OPA1: variants seen among roughly 807,000 people sequenced by gnomAD.
OPA1 encodes dynamin-like GTPase OPA1, mitochondrial.
A neutral mutation model predicts 152.9 loss-of-function variants in OPA1; 59 were observed. That is an observed-to-expected ratio of 0.39 (90% CI 0.31 to 0.48). OPA1 has a LOEUF of 0.48. OPA1 is among the 20% of genes least tolerant of loss of function. The probability of loss-of-function intolerance (pLI) is 0.96; values close to 1 mark genes in which losing one functional copy is unlikely to be tolerated. For synonymous variants in OPA1, 400 were observed against 389.9 expected (o/e 1.03, Z -0.31); for missense variants, 1,008 against 1,216.8 (o/e 0.83, Z 2.55).
In OPA1 at chr3:193,687,909, G is replaced by C. The variant is rs1346047948; in HGVS notation, c.2984-4154G>C. Among the ~76,000 whole-genome samples the C allele has an allele frequency of 2.6e-5, 4 of 152,158 alleles. No homozygotes were observed. In the East Asian group the frequency reaches 5.8e-4, roughly 22 times the overall value. The stretch of plus-strand genomic sequence containing the variant: ...GCTCTTTCAGCCTTGATAATAAGGT[G>C]CAACCATTAAGATGAAGGGATTTTT... On this transcript the variant is annotated intron_variant, in intron 29 of 30. Transcript: ENST00000361510.
intron 21 of OPA1, among the ~76,000 whole-genome samples, chr3:193,653,392 G>C (rs1441053317): frequency 1.3e-5 from 2 of 152,252 alleles, no homozygotes; most frequent in East Asian, 1.9e-4. Flanking sequence ...CTTTTGGACA[G>C]CAGGATATTT....
intron 29 of OPA1, among the ~76,000 whole-genome samples, chr3:193,684,477 G>A (rs543381140): frequency 2.3e-5 from 3 of 128,154 alleles, no homozygotes; most frequent in African/African-American, 9.1e-5. Context: ...TTGAGACAGA[G>A]TCTTGCTCTG....
intron 22 of OPA1, among the ~76,000 whole-genome samples, chr3:193,656,207 A>C (rs933456240): frequency 1.3e-5 from 2 of 152,150 alleles, no homozygotes; most frequent in African/African-American, 4.8e-5. Flanking sequence ...AGTGGTTATG[A>C]AAGCATCAAT....
intron 6 of OPA1, among the ~76,000 whole-genome samples, chr3:193,625,243 A>G (rs1041729218): frequency 6.6e-6 from 1 of 152,172 alleles, no homozygotes; most frequent in Non-Finnish European, 1.5e-5. Context: ...ATGAAGTGGA[A>G]TGAATTTTAG....
At chr3:193,602,973 AC>A (rs1560310260) in intron 1 of OPA1, among the ~76,000 whole-genome samples, 3 of 152,254 alleles carry the variant, frequency 2.0e-5, no homozygotes, top group Non-Finnish European at 4.4e-5. Context: ...GAGGGTGGTA[AC>A]TGAATGAAGT....
intron 1 of OPA1, among the ~76,000 whole-genome samples, chr3:193,605,623 T>A (rs1727137797): frequency 6.6e-6 from 1 of 152,234 alleles, no homozygotes; most frequent in African/African-American, 2.4e-5. Flanking sequence ...AATTTCTGCC[T>A]GTAGACAGCA....
At chr3:193,690,752 AT>A (rs1436769660) in intron 29 of OPA1, among the ~76,000 whole-genome samples, 1 of 152,214 alleles carries the variant, frequency 6.6e-6, no homozygotes. Flanking sequence ...CAAATATTAA[AT>A]GCATCTTACA....
At chr3:193,615,132 G>A in intron 2 of OPA1, 91 bp downstream of exon 2, 2 of 1,010,006 alleles carry the variant, frequency 2.0e-6, no homozygotes, top group Non-Finnish European at 3.1e-6. Flanking sequence ...GAATACAATT[G>A]GATGTTTAAA....
chr3:193,605,559 A>G (rs576147492), intron 1 of OPA1, among the ~76,000 whole-genome samples: 3 of 152,314 alleles, frequency 2.0e-5, no homozygotes, highest in Admixed American at 6.5e-5. Flanking sequence ...GCCCATAAAC[A>G]TTAGGTGTTT....
chr3:193,603,964 A>G (rs1007874525), intron 1 of OPA1, among the ~76,000 whole-genome samples: 1 of 152,194 alleles, frequency 6.6e-6, no homozygotes, highest in Non-Finnish European at 1.5e-5. Flanking sequence ...TTAGATGAAG[A>G]TAAGAAGGAG....
Position 193,666,363 on chromosome 3 carries a change from T to C in OPA1, c.2846T>C (p.Leu949Ser). The C allele has an allele frequency of 1.9e-6, 3 of 1,614,132 alleles. No individual in the cohort carries two copies. The highest frequency in any genetic ancestry group is 2.5e-6 in the Non-Finnish European group (3 of 1,179,954). The change falls in exon 28 of 31, where the codon TTA becomes TCA. Residue 949 changes from leucine (L) to serine (S), a missense_variant. By Grantham distance (145) the Leu-to-Ser change is moderately radical. Coordinates refer to ENST00000361510, the MANE Select transcript of OPA1 (RefSeq NM_130837.3). ...ATGCTTGCTATCACCGCAAATACTT[T>C]AAGGCAACAACTTACAAATACTGAA... ...QRMLAITANT[L>S]RQQLTNTEVR...
intron 29 of OPA1, among the ~76,000 whole-genome samples, chr3:193,685,770 A>G (rs1023502079): frequency 6.6e-6 from 1 of 151,308 alleles, no homozygotes; most frequent in African/African-American, 2.4e-5. Context: ...TAAGGAATAA[A>G]CAAAAAAAAT....
chr3:193,637,072 G>A, intron 9 of OPA1, 123 bp from the exon 10 acceptor site: 1 of 543,998 alleles, frequency 1.8e-6, no homozygotes, highest in Non-Finnish European at 3.2e-6. Flanking sequence ...TGTAATTTGA[G>A]AAAACAGTAC....
chr3:193,633,110 A>G (rs1036825669), intron 8 of OPA1, among the ~76,000 whole-genome samples: 19 of 147,932 alleles, frequency 1.3e-4, no homozygotes, highest in Non-Finnish European at 2.6e-4. Flanking sequence ...CACTATATCT[A>G]TGTTTTTAAG....
At chr3:193,684,936 C>T (rs990403869) in intron 29 of OPA1, among the ~76,000 whole-genome samples, 4 of 152,034 alleles carry the variant, frequency 2.6e-5, no homozygotes, top group African/African-American at 7.2e-5. Flanking sequence ...GTATTTGAAG[C>T]GGTTTTAATT....
chr3:193,626,358 T>C (rs1421945283), intron 7 of OPA1, among the ~76,000 whole-genome samples, 156 bp downstream of exon 7: 1 of 152,196 alleles, frequency 6.6e-6, no homozygotes, highest in Non-Finnish European at 1.5e-5. Context: ...TATGTAACTT[T>C]TCTGGAGTGG....
At chr3:193,661,556 G>C (rs1354302417) in intron 25 of OPA1, among the ~76,000 whole-genome samples, 2 of 152,168 alleles carry the variant, frequency 1.3e-5, no homozygotes, top group African/African-American at 2.4e-5. Context: ...TGAATGACAG[G>C]ATTTGGCAGG....
chr3:193,622,490 G>A (rs904807008), intron 6 of OPA1, among the ~76,000 whole-genome samples: 3 of 152,064 alleles, frequency 2.0e-5, no homozygotes, highest in Non-Finnish European at 2.9e-5. Flanking sequence ...GCCTCCCAAA[G>A]TGTTGGGATT....
At chr3:193,651,908 T>TA (rs35437625) in intron 21 of OPA1, among the ~76,000 whole-genome samples, 52 of 151,688 alleles carry the variant, frequency 3.4e-4, no homozygotes, top group South Asian at 8.3e-4. Flanking sequence ...TACTTTAAAA[T>TA]AAAAAAAAAT....
Sources: gnomAD v4.1 joint callset for allele counts (sites outside exome capture counted in the v4.1 genomes callset) on GRCh38, gnomAD v4.1.1 for gene constraint, MANE v1.5 for transcripts, NCBI Gene and HGNC (gene_info 2026-07-23, HGNC 2026-07-21) for gene names.